Variants in SOX5 observed in about 807,000 individuals in gnomAD.
SOX5 encodes SRY-box transcription factor 5.
A neutral mutation model predicts 92.0 loss-of-function variants in SOX5; 9 were observed. The observed-to-expected ratio is 0.10, with a 90% CI of 0.06 to 0.17. The LOEUF (loss-of-function observed/expected upper bound fraction) is 0.17, where lower values mean the gene tolerates loss of function less well. Ranked by LOEUF, SOX5 falls within the 10% of genes least tolerant of loss-of-function variation. The pLI is 1.00. For synonymous variants in SOX5, 344 were observed against 336.3 expected (o/e 1.02, Z -0.25); for missense variants, 642 against 944.5 (o/e 0.68, Z 4.20).
In SOX5 at chr12:23,563,379, A is replaced by G. The variant is rs1946543028; in HGVS notation, c.1367T>C (p.Val456Ala). 3 of 1,613,958 alleles carry G rather than the reference A, an allele frequency of 1.9e-6. No individual in the cohort carries two copies. The highest frequency in any genetic ancestry group is 2.5e-6 in the Non-Finnish European group (3 of 1,179,904). ...CCGAGCTTCTTGGATTGCCTTGGTG[A>G]CAGCATCATGGTCATTTAAGTAACC... ...TIGYLNDHDA[V>A]TKAIQEARQM... The change falls in exon 11 of 15, where the codon GTC becomes GCC. Residue 456 changes from valine (V) to alanine (A), a missense_variant. This residue lies in a region of SOX5 where 324 missense variants were observed against 461.6 expected (regional missense o/e 0.70). Coordinates refer to ENST00000451604, the MANE Select transcript of SOX5 (RefSeq NM_006940.6).
intron 3 of SOX5, among the ~76,000 whole-genome samples, chr12:23,774,030 G>C (rs144446218): frequency 1.2e-4 from 18 of 152,166 alleles, no homozygotes; most frequent in African/African-American, 4.3e-4. Flanking sequence ...ATTTTAAAAA[G>C]TAAAATTATG....
chr12:23,907,587 C>T (rs994915710), intron 1 of SOX5, among the ~76,000 whole-genome samples: 5 of 151,782 alleles, frequency 3.3e-5, no homozygotes, highest in African/African-American at 1.2e-4. Flanking sequence ...TTCATGTTAT[C>T]CTTATGAGAG....
At chr12:24,222,680 G>A (rs561875953) in intron 3 of SOX5, among the ~76,000 whole-genome samples, 1 of 152,280 alleles carries the variant, frequency 6.6e-6, no homozygotes, top group African/African-American at 2.4e-5. Context: ...AGCATGTTTT[G>A]GGAGGGGATA....
At chr12:24,233,792 A>C (rs1963901021) in intron 3 of SOX5, among the ~76,000 whole-genome samples, 1 of 152,258 alleles carries the variant, frequency 6.6e-6, no homozygotes, top group Non-Finnish European at 1.5e-5. Context: ...GGCATTAAGT[A>C]ACCAGACAGG....
chr12:24,519,514 A>T (rs139196901), intron 1 of SOX5, among the ~76,000 whole-genome samples: 3 of 152,176 alleles, frequency 2.0e-5, no homozygotes, highest in African/African-American at 4.8e-5. Context: ...TGAGTATACC[A>T]TTCAAGATAC....
At chr12:23,799,442 T>C (rs775505200) in intron 3 of SOX5, among the ~76,000 whole-genome samples, 53 of 152,198 alleles carry the variant, frequency 3.5e-4, no homozygotes, top group Admixed American at 1.8e-3. Flanking sequence ...ATGCTTGATG[T>C]GTTTCGGGAC....
At chr12:23,676,351 G>A (rs1042728606) in intron 6 of SOX5, among the ~76,000 whole-genome samples, 26 of 151,944 alleles carry the variant, frequency 1.7e-4, no homozygotes, top group Middle Eastern at 3.2e-3. Flanking sequence ...AATAAAAACA[G>A]GCAAATGAAT....
chr12:23,720,367 G>A (rs923307559), intron 6 of SOX5, among the ~76,000 whole-genome samples: 5 of 152,064 alleles, frequency 3.3e-5, no homozygotes, highest in African/African-American at 1.2e-4. Flanking sequence ...CCTCATTTAG[G>A]TTTTTAAAAC....
intron 1 of SOX5, among the ~76,000 whole-genome samples, chr12:24,485,707 A>T (rs188326301): frequency 1.8e-3 from 277 of 152,292 alleles, no homozygotes; most frequent in African/African-American, 6.4e-3. Flanking sequence ...ACTTTTCCAC[A>T]GTAAGGCCTA....
At chr12:24,443,440 A>AT (rs1940971377) in intron 1 of SOX5, among the ~76,000 whole-genome samples, 1 of 152,204 alleles carries the variant, frequency 6.6e-6, no homozygotes, top group African/African-American at 2.4e-5. Flanking sequence ...TCATGATACC[A>AT]GTCAATAAAC....
In SOX5 at chr12:24,384,556, A is replaced by G. The variant is rs536078732; in HGVS notation, c.-250-15917T>C. 2.6e-5 allele frequency among the ~76,000 whole-genome samples: 4 copies of G among 152,356 alleles called. No homozygotes were observed. The East Asian group carries it at 7.7e-4, about 29-fold the overall frequency. On this transcript the variant is annotated intron_variant, in intron 1 of 4. Coordinates refer to the SOX5 transcript ENST00000446891. Reference sequence around the variant, plus strand: ...AAAATTCTTGACTTAAGAGAAAAAAATCTTATGCAGAGGCTGCTACGGTCC... The same window carrying G: ...AAAATTCTTGACTTAAGAGAAAAAAGTCTTATGCAGAGGCTGCTACGGTCC...
At chr12:24,066,053 A>T (rs896827413) in intron 4 of SOX5, among the ~76,000 whole-genome samples, 3 of 152,262 alleles carry the variant, frequency 2.0e-5, no homozygotes, top group Non-Finnish European at 4.4e-5. Flanking sequence ...CAGTCTAAAA[A>T]AAAAAGTAGG....
At chr12:24,159,401 A>G (rs1191393204) in intron 4 of SOX5, among the ~76,000 whole-genome samples, 1 of 152,026 alleles carries the variant, frequency 6.6e-6, no homozygotes, top group Non-Finnish European at 1.5e-5. Context: ...GAATCTTAAG[A>G]AAAATATTTA....
intron 1 of SOX5, among the ~76,000 whole-genome samples, chr12:24,408,421 G>A (rs1313562838): frequency 6.6e-6 from 1 of 152,138 alleles, no homozygotes; most frequent in Non-Finnish European, 1.5e-5. Flanking sequence ...GTAACAGCTT[G>A]CAGAACTATA....
intron 11 of SOX5, among the ~76,000 whole-genome samples, chr12:23,547,647 C>T (rs1476383714): frequency 6.6e-6 from 1 of 151,932 alleles, no homozygotes; most frequent in Non-Finnish European, 1.5e-5. Context: ...AGTCAGTGGC[C>T]TTGGAACTCC....
At chr12:24,172,542 A>G (rs1954321544) in intron 4 of SOX5, among the ~76,000 whole-genome samples, 1 of 152,114 alleles carries the variant, frequency 6.6e-6, no homozygotes. Context: ...CTGTCTTAAG[A>G]AAAAAGAAAA....
intron 1 of SOX5, among the ~76,000 whole-genome samples, chr12:24,527,298 A>C (rs1417589992): frequency 6.6e-6 from 1 of 152,208 alleles, no homozygotes; most frequent in Non-Finnish European, 1.5e-5. Flanking sequence ...CATGTATTTG[A>C]GGTCAGTGTC....
intron 4 of SOX5, among the ~76,000 whole-genome samples, chr12:24,145,556 G>A (rs1950998287): frequency 6.6e-6 from 1 of 152,124 alleles, no homozygotes; most frequent in African/African-American, 2.4e-5. Context: ...AAGTGCAGTG[G>A]AGCAATCTCG....
intron 7 of SOX5, among the ~76,000 whole-genome samples, chr12:23,662,731 A>C (rs764805302): frequency 2.0e-5 from 3 of 152,182 alleles, no homozygotes; most frequent in Non-Finnish European, 2.9e-5. Context: ...TAAAGTCTCT[A>C]GTTTAGTCCC....
Sources: allele counts gnomAD v4.1 joint callset (sites outside exome capture counted in the v4.1 genomes callset), GRCh38; gene constraint gnomAD v4.1.1; regional missense constraint gnomAD v4.1.1; transcripts MANE v1.5; gene names NCBI Gene and HGNC (gene_info 2026-07-23, HGNC 2026-07-21).